SCN8A: variants seen among roughly 807,000 people sequenced by gnomAD.
The protein encoded by SCN8A is sodium channel protein type 8 subunit alpha.
A neutral mutation model predicts 184.1 loss-of-function variants in SCN8A; 30 were observed. That is an observed-to-expected ratio of 0.16 (90% CI 0.12 to 0.22). SCN8A has a LOEUF of 0.22. SCN8A is among the 10% of genes least tolerant of loss of function. The pLI, the probability that SCN8A is intolerant of heterozygous loss-of-function variation, is 1.00. For missense variants in SCN8A, 1,057 were observed against 2,498.9 expected (o/e 0.42, Z 12.30); for synonymous variants, 852 against 907.0 (o/e 0.94, Z 1.09).
At chr12:51,772,935 T>C (rs1052626146) in intron 19 of SCN8A, among the ~76,000 whole-genome samples, 1 of 151,984 alleles carries the variant, frequency 6.6e-6, no homozygotes, top group African/African-American at 2.4e-5. Context: ...GCTAACACAG[T>C]GAAACCCCAT....
intron 1 of SCN8A, among the ~76,000 whole-genome samples, chr12:51,591,736 C>G (rs970440330): frequency 6.6e-6 from 1 of 152,146 alleles, no homozygotes; most frequent in African/African-American, 2.4e-5. Context: ...CCCTAGCCGG[C>G]TTGCACTGGG....
intron 26 of SCN8A, among the ~76,000 whole-genome samples, chr12:51,794,917 G>T (rs908652254): frequency 2.6e-5 from 4 of 152,124 alleles, no homozygotes; most frequent in African/African-American, 9.7e-5. Context: ...TGCTTTTAAG[G>T]AGTTTAAAGT....
intron 13 of SCN8A, among the ~76,000 whole-genome samples, chr12:51,747,715 C>T (rs996159004): frequency 6.6e-6 from 1 of 152,164 alleles, no homozygotes; most frequent in Non-Finnish European, 1.5e-5. Flanking sequence ...GGGCTCCTTT[C>T]GGAGGCCTTA....
At chr12:51,605,668 A>C (rs1939574244) in intron 1 of SCN8A, among the ~76,000 whole-genome samples, 2 of 152,210 alleles carry the variant, frequency 1.3e-5, no homozygotes, top group African/African-American at 4.8e-5. Flanking sequence ...AGGAATCTCC[A>C]CACTGTTTTC....
chr12:51,705,004 G>T (rs1374207556), intron 9 of SCN8A, among the ~76,000 whole-genome samples: 1 of 152,022 alleles, frequency 6.6e-6, no homozygotes, highest in Non-Finnish European at 1.5e-5. Context: ...TAAAAAGATG[G>T]GATTTCCTTC....
intron 2 of SCN8A, among the ~76,000 whole-genome samples, chr12:51,670,584 A>G (rs781130082): frequency 4.6e-5 from 7 of 152,172 alleles, no homozygotes; most frequent in Non-Finnish European, 1.0e-4. Flanking sequence ...GAAGCAGTAG[A>G]GAACTACTGA....
intron 11 of SCN8A, among the ~76,000 whole-genome samples, chr12:51,708,013 G>A (rs978933989): frequency 1.3e-5 from 2 of 152,118 alleles, no homozygotes; most frequent in Non-Finnish European, 2.9e-5. Flanking sequence ...CTTCTCTGAT[G>A]TAAAAGCCAA....
intron 1 of SCN8A, among the ~76,000 whole-genome samples, chr12:51,601,486 G>A (rs1939462837): frequency 6.7e-6 from 1 of 149,778 alleles, no homozygotes; most frequent in Non-Finnish European, 1.5e-5. Context: ...TCACCCATAA[G>A]TGCCCAAGGG....
chr12:51,645,620 C>A (rs1217879999), intron 1 of SCN8A, among the ~76,000 whole-genome samples: 1 of 152,208 alleles, frequency 6.6e-6, no homozygotes, highest in Admixed American at 6.5e-5. Context: ...AAGAAAAATT[C>A]TGCCTTGGGA....
intron 3 of SCN8A, among the ~76,000 whole-genome samples, chr12:51,684,600 T>C (rs1312393474): frequency 6.6e-6 from 1 of 152,210 alleles, no homozygotes; most frequent in Admixed American, 6.5e-5. Context: ...AGTGATTTCT[T>C]TCTGTGGCCA....
chr12:51,622,053 A>G (rs1342017965), intron 1 of SCN8A, among the ~76,000 whole-genome samples: 1 of 152,236 alleles, frequency 6.6e-6, no homozygotes, highest in Non-Finnish European at 1.5e-5. Flanking sequence ...ACATGATCAT[A>G]TACTTCTGTC....
Position 51,769,464 on chromosome 12 carries a change from A to G in SCN8A, c.3372+129A>G, listed in dbSNP as rs303810. 520,195 of 648,914 alleles carry G rather than the reference A, an allele frequency of 0.8. 214,441 individuals are homozygous for G. The highest frequency in any genetic ancestry group is 0.91 in the East Asian group (33,371 of 36,538). 40.2% of individuals were successfully genotyped at this position (648,914 alleles called of 1,614,324 possible). A position where few individuals can be genotyped will look rare whatever the true frequency, so the allele number is the denominator to read the frequency against. On this transcript the variant is annotated intron_variant, in intron 17 of 26. Transcript: ENST00000627620. ...GAATAACCAATTTACTTGGAGAACT[A>G]ATTCCACCATCCCAGTATCATTCTA...
At chr12:51,639,506 C>T (rs771817768) in intron 1 of SCN8A, among the ~76,000 whole-genome samples, 2 of 152,058 alleles carry the variant, frequency 1.3e-5, no homozygotes, top group African/African-American at 4.8e-5. Flanking sequence ...CCTCGAACTC[C>T]CTGACTCAAG....
chr12:51,655,909 A>G (rs1592358818), intron 1 of SCN8A, among the ~76,000 whole-genome samples: 3 of 152,208 alleles, frequency 2.0e-5, no homozygotes, highest in South Asian at 4.1e-4. Context: ...TGGGTGTTTT[A>G]GTGAAAAGAA....
chr12:51,646,451 T>TG (rs1366426214), intron 1 of SCN8A, among the ~76,000 whole-genome samples: 1 of 152,200 alleles, frequency 6.6e-6, no homozygotes, highest in Non-Finnish European at 1.5e-5. Context: ...GATTTGAAGA[T>TG]GGATGGTGCC....
In SCN8A at chr12:51,724,528, T is replaced by C. The variant is rs997655234; in HGVS notation, c.1998+2620T>C. Among the ~76,000 whole-genome samples, 10 of 152,344 alleles carry C rather than the reference T, an allele frequency of 6.6e-5. No individual in the cohort carries two copies. The East Asian group carries it at 1.7e-3, about 26-fold the overall frequency. On this transcript the variant is annotated intron_variant, in intron 12 of 26. Transcript: ENST00000627620. The stretch of plus-strand genomic sequence containing the variant: ...CCAAAATAAATGTTATAGATACTTA[T>C]CTTTACATTTAATTTTTATTTGACT...
In SCN8A at chr12:51,636,017, C is replaced by T. The variant is rs538341379; in HGVS notation, c.-54-26747C>T. On this transcript the variant is annotated intron_variant, in intron 1 of 26. Coordinates refer to ENST00000627620, the MANE Select transcript of SCN8A (RefSeq NM_001330260.2). ...TTGTTTTTGTTTGTTTGTTTTGAGA[C>T]GCAATCTCGCTCTGTCGCCCAGGCT... Among the ~76,000 whole-genome samples the T allele has an allele frequency of 5.9e-5, 9 of 152,264 alleles. No homozygotes were observed. The South Asian group carries it at 6.2e-4, about 11-fold the overall frequency.
intron 1 of SCN8A, among the ~76,000 whole-genome samples, chr12:51,648,340 C>T (rs1463111539): frequency 1.3e-5 from 2 of 152,188 alleles, no homozygotes; most frequent in Non-Finnish European, 2.9e-5. Flanking sequence ...GTAGCTGGGA[C>T]TATAGGCATG....
chr12:51,633,468 C>T (rs756085542), intron 1 of SCN8A, among the ~76,000 whole-genome samples: 27 of 152,256 alleles, frequency 1.8e-4, no homozygotes, highest in Non-Finnish European at 3.2e-4. Context: ...ACTGTTTGGC[C>T]GAGGAGGTTT....
Sources: gnomAD v4.1 joint callset for allele counts (sites outside exome capture counted in the v4.1 genomes callset) on GRCh38, gnomAD v4.1.1 for gene constraint, MANE v1.5 for transcripts, NCBI Gene and HGNC (gene_info 2026-07-23, HGNC 2026-07-21) for gene names.